Variants in PCBP3 observed in about 807,000 individuals in gnomAD.
PCBP3 encodes the protein poly(rC) binding protein 3.
PCBP3 carries 25 observed loss-of-function variants against 52.7 expected under a neutral mutation model. The ratio of observed to expected loss-of-function variants is 0.47; its 90% CI spans 0.35 to 0.66. The LOEUF (loss-of-function observed/expected upper bound fraction) is 0.66, where lower values mean the gene tolerates loss of function less well. Among genes scored for constraint, PCBP3 ranks in the 30% least tolerant of loss-of-function variants. The probability of loss-of-function intolerance (pLI) is 0.01; values close to 1 mark genes in which losing one functional copy is unlikely to be tolerated. For synonymous variants in PCBP3, 162 were observed against 183.0 expected (o/e 0.89, Z 0.93); for missense variants, 391 against 490.3 (o/e 0.80, Z 1.91).
intron 3 of PCBP3, among the ~76,000 whole-genome samples, chr21:45,745,428 C>A (rs1200542551): frequency 6.6e-6 from 1 of 152,138 alleles, no homozygotes; most frequent in Admixed American, 6.5e-5. Context: ...CCCTCCCCGG[C>A]CTGGACTCTG....
chr21:45,766,260 C>T (rs2089308342), intron 4 of PCBP3, among the ~76,000 whole-genome samples: 1 of 152,224 alleles, frequency 6.6e-6, no homozygotes, highest in Non-Finnish European at 1.5e-5. Flanking sequence ...TCAGATACCA[C>T]CAGCGATGGA....
At chr21:45,739,725 C>A (rs944398805) in intron 3 of PCBP3, among the ~76,000 whole-genome samples, 1 of 149,962 alleles carries the variant, frequency 6.7e-6, no homozygotes, top group Non-Finnish European at 1.5e-5. Flanking sequence ...CCTTCCTGTC[C>A]ATTGTGCTCT....
intron 1 of PCBP3, among the ~76,000 whole-genome samples, chr21:45,654,423 C>T (rs1023459418): frequency 2.3e-4 from 35 of 150,780 alleles, no homozygotes; most frequent in Middle Eastern, 3.4e-3. Context: ...TCACTGCAGC[C>T]TCCACCTCCC....
intron 13 of PCBP3, among the ~76,000 whole-genome samples, chr21:45,919,851 G>T (rs571516868): frequency 6.0e-5 from 9 of 150,924 alleles, no homozygotes; most frequent in African/African-American, 2.2e-4. Context: ...GCGCGCGTGC[G>T]CGTCCCCGTG....
intron 2 of PCBP3, among the ~76,000 whole-genome samples, chr21:45,734,096 A>G (rs970388392): frequency 6.6e-6 from 1 of 152,198 alleles, no homozygotes; most frequent in African/African-American, 2.4e-5. Flanking sequence ...GTTACTTGGA[A>G]AGTTCAGATT....
chr21:45,679,077 C>CT (rs2081652318), intron 2 of PCBP3, among the ~76,000 whole-genome samples: 1 of 112,956 alleles, frequency 8.9e-6, no homozygotes, highest in African/African-American at 3.5e-5. Flanking sequence ...TGATTGTTAG[C>CT]ATTTTTTTTT....
chr21:45,920,632 A>G (rs948296553), intron 13 of PCBP3, among the ~76,000 whole-genome samples: 1 of 152,192 alleles, frequency 6.6e-6, no homozygotes, highest in Non-Finnish European at 1.5e-5. Context: ...TGATTGGGTC[A>G]TGAGCGCTCC....
At chr21:45,651,673 C>G (rs570404880) in intron 1 of PCBP3, among the ~76,000 whole-genome samples, 49 of 152,296 alleles carry the variant, frequency 3.2e-4, no homozygotes, top group African/African-American at 1.0e-3. Context: ...AAATACTCAT[C>G]ATGATAAATA....
intron 4 of PCBP3, among the ~76,000 whole-genome samples, chr21:45,793,674 C>T (rs1448386530): frequency 6.6e-6 from 1 of 152,192 alleles, no homozygotes; most frequent in Non-Finnish European, 1.5e-5. Context: ...AGGGGCTCTG[C>T]AGGAGGAGAC....
chr21:45,924,612 T>C (rs373570466), intron 13 of PCBP3, among the ~76,000 whole-genome samples: 1 of 22,804 alleles, frequency 4.4e-5, no homozygotes, highest in Non-Finnish European at 7.2e-5. Flanking sequence ...CGGGTGTGCG[T>C]GAGGAGATGC....
chr21:45,878,457 G>A (rs142054851), intron 5 of PCBP3, among the ~76,000 whole-genome samples: 1 of 152,368 alleles, frequency 6.6e-6, no homozygotes, highest in Non-Finnish European at 1.5e-5. Context: ...TCATGAAGTT[G>A]TGTGTGCATT....
chr21:45,928,593 C>A lies in PCBP3; in HGVS notation c.718-1324C>A, dbSNP rs1296277642. On this transcript the variant is annotated intron_variant, in intron 13 of 17. Transcript: ENST00000681687. The surrounding 1 kb of genome is among the most constrained non-coding windows in gnomAD (Gnocchi z 4.1). The stretch of plus-strand genomic sequence containing the variant: ...TCCCTGGTGTCAGGGAACCCAGGTG[C>A]CAGGGGTGGCCAGGGCAAGCATGGG... 6.6e-6 allele frequency among the ~76,000 whole-genome samples: 1 copy of A among 152,164 alleles called. No individual in the cohort carries two copies. Among genetic ancestry groups the A allele is most frequent in the Non-Finnish European group, 1.5e-5 (1 of 68,014 alleles).
chr21:45,684,964 C>T (rs1415445095), intron 2 of PCBP3, among the ~76,000 whole-genome samples: 2 of 152,190 alleles, frequency 1.3e-5, no homozygotes, highest in Non-Finnish European at 2.9e-5. Context: ...CTTCCCCACA[C>T]CCTGCCCCCT....
At chr21:45,673,822 C>T (rs1275885773) in intron 2 of PCBP3, 1 of 152,158 alleles carries the variant, frequency 6.6e-6, no homozygotes, top group Non-Finnish European at 1.5e-5. Context: ...TGGAAACTTA[C>T]AGCATTGAGA....
intron 2 of PCBP3, among the ~76,000 whole-genome samples, chr21:45,695,877 G>A (rs1191660390): frequency 6.6e-6 from 1 of 151,796 alleles, no homozygotes; most frequent in Non-Finnish European, 1.5e-5. Flanking sequence ...TCAGGAGTTC[G>A]AGACCAGCCT....
At chr21:45,673,035 G>A (rs1157323582) in intron 2 of PCBP3, among the ~76,000 whole-genome samples, 1 of 152,120 alleles carries the variant, frequency 6.6e-6, no homozygotes, top group Non-Finnish European at 1.5e-5. Context: ...AGGGTAAACG[G>A]TTTCACCAAA....
intron 4 of PCBP3, among the ~76,000 whole-genome samples, chr21:45,781,297 G>A (rs951875048): frequency 6.6e-6 from 1 of 152,180 alleles, no homozygotes; most frequent in African/African-American, 2.4e-5. Flanking sequence ...TCTAACATGT[G>A]TAAAGAACTC....
intron 5 of PCBP3, among the ~76,000 whole-genome samples, chr21:45,892,488 C>T (rs1267242879): frequency 6.8e-6 from 1 of 148,084 alleles, no homozygotes; most frequent in Non-Finnish European, 1.5e-5. Flanking sequence ...GGGGCGGTCC[C>T]GTCTCTCACG....
intron 16 of PCBP3, among the ~76,000 whole-genome samples, chr21:45,939,424 C>T (rs1032282362): frequency 2.0e-5 from 3 of 152,250 alleles, no homozygotes; most frequent in African/African-American, 7.2e-5. Context: ...GGCCAGAGGC[C>T]ACTGTGTTCC....
Sources: allele counts gnomAD v4.1 joint callset (sites outside exome capture counted in the v4.1 genomes callset), GRCh38; gene constraint gnomAD v4.1.1; non-coding constraint Gnocchi (gnomAD v3.1); transcripts MANE v1.5; gene names NCBI Gene and HGNC (gene_info 2026-07-23, HGNC 2026-07-21).